SOS2: variants seen among roughly 807,000 people sequenced by gnomAD.
The protein encoded by SOS2 is son of sevenless homolog 2.
In SOS2, 65 loss-of-function variants were observed where a neutral mutation model predicts 148.2. The ratio of observed to expected loss-of-function variants is 0.44; its 90% confidence interval spans 0.36 to 0.54. SOS2 has a LOEUF of 0.54. Among genes scored for constraint, SOS2 ranks in the 20% least tolerant of loss-of-function variants. The pLI is 0.00. For synonymous variants in SOS2, 539 were observed against 537.1 expected, an observed-to-expected ratio of 1.00 and a Z score of -0.05; for missense variants, 1,341 against 1,590.2, an observed-to-expected ratio of 0.84 and a Z score of 2.67.
intron 12 of SOS2, among the ~76,000 whole-genome samples, chr14:50,154,602 ATAAACTGG>A (rs1162928329): frequency 6.6e-6 from 1 of 152,222 alleles, no homozygotes; most frequent in East Asian, 1.9e-4. Context: ...GGAAAAATGA[ATAAACTGG>A]TATATTCATA....
rs141925907 is a variant in SOS2 at position 50,178,901 on chromosome 14, T to C, written c.969+1671A>G. Among the ~76,000 whole-genome samples, 1,470 of 151,618 alleles carry C rather than the reference T, an allele frequency of 9.7e-3. 28 individuals carry two copies. The highest frequency in any genetic ancestry group is 0.034 in the African/African-American group (1,387 of 41,336). On this transcript the variant is annotated intron_variant, in intron 7 of 22. Transcript: ENST00000216373. ...GGTGCATGCCACCACACCCAGCTAATTTTTGCATTTTTTAGTAGAGACAGG... is the reference window on the plus strand; with the variant it reads ...GGTGCATGCCACCACACCCAGCTAACTTTTGCATTTTTTAGTAGAGACAGG...
intron 18 of SOS2, among the ~76,000 whole-genome samples, chr14:50,136,602 T>G (rs986651807): frequency 6.6e-6 from 1 of 151,776 alleles, no homozygotes; most frequent in Non-Finnish European, 1.5e-5. Flanking sequence ...TTTTTTTTTT[T>G]TTTTTGAGAT....
chr14:50,177,589 G>A (rs1885565567), intron 7 of SOS2, among the ~76,000 whole-genome samples: 1 of 151,980 alleles, frequency 6.6e-6, no homozygotes, highest in Non-Finnish European at 1.5e-5. Flanking sequence ...GAAATGTGTT[G>A]AGTGCTTTTA....
At chr14:50,140,141 T>A (rs1221073317) in intron 16 of SOS2, 82 bp from the exon 17 acceptor site, 4 of 719,988 alleles carry the variant, frequency 5.6e-6, no homozygotes, top group Non-Finnish European at 9.1e-6. Flanking sequence ...TTTTATAAAA[T>A]TTTGCAAATT....
At chr14:50,223,585 G>A (rs1012325735) in intron 1 of SOS2, among the ~76,000 whole-genome samples, 1 of 152,162 alleles carries the variant, frequency 6.6e-6, no homozygotes, top group Non-Finnish European at 1.5e-5. Context: ...TGAGGCAGGA[G>A]AATCACTTGA....
chr14:50,157,881 A>T (rs1267183419), intron 11 of SOS2, among the ~76,000 whole-genome samples: 1 of 152,166 alleles, frequency 6.6e-6, no homozygotes, highest in East Asian at 1.9e-4. Context: ...AGGTAAAACA[A>T]ATTCAACCCA....
intron 8 of SOS2, 83 bp downstream of exon 8, chr14:50,174,371 G>T: frequency 1.8e-6 from 1 of 559,118 alleles, no homozygotes; most frequent in Non-Finnish European, 3.1e-6. Flanking sequence ...TAAAAGACTG[G>T]TACTGTGTGT....
chr14:50,219,727 T>G (rs772644186), intron 1 of SOS2, among the ~76,000 whole-genome samples: 3 of 152,208 alleles, frequency 2.0e-5, no homozygotes, highest in Non-Finnish European at 4.4e-5. Flanking sequence ...TTTTAAAAAA[T>G]AATTCTAAAA....
Position 50,161,544 on chromosome 14 carries a change from G to A in SOS2, c.1134C>T (p.Leu378=). The A allele has an allele frequency of 1.9e-6, 3 of 1,611,968 alleles. No homozygotes were observed. The highest frequency in any genetic ancestry group is 1.1e-5 in the South Asian group (1 of 91,030). The change falls in exon 9 of 23, where the codon CTC becomes CTT. Residue 378 remains leucine, a synonymous_variant. Coordinates refer to ENST00000216373, the MANE Select transcript of SOS2 (RefSeq NM_006939.4). ...GGTCCATGCTACCTTGGAGATTCAT[G>A]AGAGCAGTAATAGCTTGGTTCAAAC... ...RECLNQAITA[L]MNLQGSMDRI... is the part of the protein sequence containing the mutation.
At chr14:50,184,228 C>T (rs762044370) in intron 5 of SOS2, among the ~76,000 whole-genome samples, 8 of 152,136 alleles carry the variant, frequency 5.3e-5, no homozygotes, top group Non-Finnish European at 8.8e-5. Flanking sequence ...ACAAACACAT[C>T]ATATGACTGA....
chr14:50,188,198 T>C (rs1172596006), intron 5 of SOS2, among the ~76,000 whole-genome samples: 1 of 152,116 alleles, frequency 6.6e-6, no homozygotes, highest in Non-Finnish European at 1.5e-5. Context: ...AGGTCGGCAG[T>C]TTGAGACCAG....
intron 1 of SOS2, among the ~76,000 whole-genome samples, chr14:50,215,720 TATA>T (rs1393359999): frequency 1.4e-5 from 2 of 143,656 alleles, no homozygotes; most frequent in Non-Finnish European, 3.0e-5. Flanking sequence ...AAACTTAAAG[TATA>T]ATAAAAAAAA....
intron 1 of SOS2, 86 bp from the exon 2 acceptor site, chr14:50,204,495 A>G (rs1886600641): frequency 1.3e-6 from 1 of 779,032 alleles, no homozygotes; most frequent in African/African-American, 1.8e-5. Context: ...ATAATATTTT[A>G]CTATAATGGT....
intron 5 of SOS2, among the ~76,000 whole-genome samples, chr14:50,187,778 G>T (rs537741446): frequency 9.6e-4 from 146 of 152,260 alleles, no homozygotes; most frequent in Non-Finnish European, 9.7e-4. Context: ...ATTTTTAAAA[G>T]TTCCACCGTT....
At chr14:50,190,863 T>A (rs1364756627) in intron 4 of SOS2, among the ~76,000 whole-genome samples, 4 of 152,090 alleles carry the variant, frequency 2.6e-5, no homozygotes, top group Non-Finnish European at 5.9e-5. Flanking sequence ...AAGAAACCAG[T>A]AAGGCTACAC....
chr14:50,196,763 TA>T (rs1468297350), intron 4 of SOS2, among the ~76,000 whole-genome samples: 1 of 152,164 alleles, frequency 6.6e-6, no homozygotes, highest in Non-Finnish European at 1.5e-5. Flanking sequence ...AATTTATAAT[TA>T]AATAAATTAA....
chr14:50,227,349 A>AT (rs1887411143), intron 1 of SOS2, among the ~76,000 whole-genome samples: 1 of 145,726 alleles, frequency 6.9e-6, no homozygotes, highest in African/African-American at 2.6e-5. Flanking sequence ...TGTTCAAGAG[A>AT]TTCTCTGCCT....
chr14:50,153,234 T>C (rs1884716654), intron 12 of SOS2, 61 bp from the exon 13 acceptor site: 2 of 884,388 alleles, frequency 2.3e-6, no homozygotes, highest in Non-Finnish European at 3.7e-6. Context: ...CACTTCTTCC[T>C]TCTCTAATGC....
In SOS2 at chr14:50,122,391, C is replaced by CTTTTTTTTTTTTTTTT. The variant is rs71118839; in HGVS notation, c.3380-2023_3380-2008dup. 6.6e-4 allele frequency among the ~76,000 whole-genome samples: 58 copies of CTTTTTTTTTTTTTTTT among 88,290 alleles called. 6 individuals carry two copies. Among genetic ancestry groups the CTTTTTTTTTTTTTTTT allele is most frequent in the African/African-American group, 2.6e-3 (54 of 20,916 alleles). 57.9% of individuals were successfully genotyped at this position (88,290 alleles called of 152,430 possible). The stretch of plus-strand genomic sequence containing the variant: ...ATGAAGAGTGAAAAAGAACCCTGGG[C>CTTTTTTTTTTTTTTTT]TTTTTTTTTTTTTTTTTTTTTTGAG... On this transcript the variant is annotated intron_variant, in intron 21 of 22. Transcript: ENST00000216373.
Sources: gnomAD v4.1 joint callset for allele counts (sites outside exome capture counted in the v4.1 genomes callset) on GRCh38, gnomAD v4.1.1 for gene constraint, MANE v1.5 for transcripts, NCBI Gene and HGNC (gene_info 2026-07-23, HGNC 2026-07-21) for gene names.